Variants in MYCBP2 observed in about 807,000 individuals in gnomAD.
MYCBP2 encodes the protein E3 ubiquitin-protein ligase MYCBP2.
MYCBP2 carries 120 observed loss-of-function variants against 525.3 expected under a neutral mutation model. That is an observed-to-expected ratio of 0.23 (90% CI 0.20 to 0.27). The LOEUF (loss-of-function observed/expected upper bound fraction) is 0.27, where lower values mean the gene tolerates loss of function less well. Ranked by LOEUF, MYCBP2 falls within the 10% of genes least tolerant of loss-of-function variation. MYCBP2 has a pLI of 1.00. For missense variants in MYCBP2, 4,149 were observed against 5,657.1 expected (o/e 0.73, Z 8.55); for synonymous variants, 1,894 against 1,955.8 (o/e 0.97, Z 0.83).
intron 26 of MYCBP2, among the ~76,000 whole-genome samples, chr13:77,202,844 AC>A (rs1443572069): frequency 1.4e-4 from 21 of 152,260 alleles, no homozygotes; most frequent in African/African-American, 2.2e-4. Flanking sequence ...AAATTCAACA[AC>A]CCTTCATGCT....
chr13:77,090,331 T>C (rs1348249814), intron 59 of MYCBP2, 68 bp from the exon 60 acceptor site: 1 of 1,301,208 alleles, frequency 7.7e-7, no homozygotes, highest in Non-Finnish European at 1.0e-6. Flanking sequence ...ATACTTATAA[T>C]GATGCAAAAT....
chr13:77,202,558 T>C (rs2062754646), intron 26 of MYCBP2, among the ~76,000 whole-genome samples: 2 of 151,838 alleles, frequency 1.3e-5, no homozygotes, highest in South Asian at 4.2e-4. Context: ...GCCAGCATCA[T>C]CCTGATACCA....
chr13:77,073,231 G>A (rs934790630), intron 68 of MYCBP2, among the ~76,000 whole-genome samples: 2 of 151,524 alleles, frequency 1.3e-5, no homozygotes, highest in African/African-American at 4.9e-5. Flanking sequence ...AGCAATATAT[G>A]GATTATCTTA....
intron 2 of MYCBP2, among the ~76,000 whole-genome samples, chr13:77,295,593 T>C (rs1448724607): frequency 6.6e-6 from 1 of 152,252 alleles, no homozygotes; most frequent in Admixed American, 6.5e-5. Context: ...AGGAAACAAT[T>C]GCCTCTATAG....
chr13:77,301,843 A>G (rs564701363), intron 1 of MYCBP2, among the ~76,000 whole-genome samples: 5 of 152,346 alleles, frequency 3.3e-5, no homozygotes, highest in African/African-American at 9.6e-5. Context: ...GCAATTTTCA[A>G]CATAATTTAT....
intron 47 of MYCBP2, 136 bp from the exon 48 acceptor site, chr13:77,146,353 T>C (rs2154189328): frequency 2.4e-6 from 1 of 422,948 alleles, no homozygotes; most frequent in African/African-American, 2.0e-5. Context: ...AAAAATTACC[T>C]ACTTTAGACC....
chr13:77,225,245 TA>T (rs537514799), intron 19 of MYCBP2, among the ~76,000 whole-genome samples, 189 bp downstream of exon 19: 8 of 152,214 alleles, frequency 5.3e-5, no homozygotes, highest in Non-Finnish European at 1.2e-4. Context: ...TCTAGACAAG[TA>T]CCTGTTCCAT....
In MYCBP2 at chr13:77,181,875, T is replaced by C. The variant is rs779576183; in HGVS notation, c.4767A>G (p.Ala1589=). ...TGTGACACAGAGCTGACATAACAGC[T>C]GCAAGGAGTCGGCTACTTGATGTCT... is the stretch of plus-strand genomic sequence containing the variant. The part of the protein sequence containing the change: ...NFKTSSSRLL[A]AVMSALCHTS... Residue 1589 remains alanine (A), a synonymous_variant, in exon 33 of 83, where the codon GCA becomes GCG. Transcript: ENST00000544440. 51 of 1,613,908 alleles carry C rather than the reference T, an allele frequency of 3.2e-5. No individual in the cohort carries two copies. The highest frequency in any genetic ancestry group is 4.2e-5 in the Non-Finnish European group (50 of 1,180,028).
chr13:77,320,300 T>C (rs368225135), intron 1 of MYCBP2, among the ~76,000 whole-genome samples: 94 of 152,206 alleles, frequency 6.2e-4, no homozygotes, highest in South Asian at 4.1e-3. Context: ...AAGCGGGATC[T>C]GAAAGCCTAA....
intron 55 of MYCBP2, among the ~76,000 whole-genome samples, chr13:77,113,773 TG>T (rs1373329342): frequency 9.9e-5 from 15 of 152,104 alleles, no homozygotes; most frequent in African/African-American, 3.6e-4. Context: ...CTCAGCTCAG[TG>T]AAGATAAATT....
intron 36 of MYCBP2, among the ~76,000 whole-genome samples, chr13:77,176,011 C>A (rs1595145924): frequency 2.4e-5 from 3 of 123,542 alleles, no homozygotes; most frequent in African/African-American, 2.7e-5. Flanking sequence ...CAAAACAAAA[C>A]AAAAACACTT....
At chr13:77,312,211 C>T (rs2080337652) in intron 1 of MYCBP2, among the ~76,000 whole-genome samples, 1 of 151,998 alleles carries the variant, frequency 6.6e-6, no homozygotes, top group South Asian at 2.1e-4. Flanking sequence ...GAATGTATCC[C>T]CAGCAGACTG....
chr13:77,153,916 T>C (rs1284673819), intron 46 of MYCBP2, among the ~76,000 whole-genome samples: 2 of 152,208 alleles, frequency 1.3e-5, no homozygotes, highest in African/African-American at 4.8e-5. Context: ...TGTTTAGTTC[T>C]AACTCATTTT....
In MYCBP2 at chr13:77,326,476, G is replaced by C; in HGVS notation, c.300C>G (p.Ser100=). Residue 100 remains serine (S), a splice_region_variant and synonymous_variant, in exon 1 of 83, where the codon TCC becomes TCG. Transcript: ENST00000544440. The surrounding 1 kb of genome is among the most constrained non-coding windows in gnomAD (Gnocchi z 4.2). ...QGGGSAGHPA[S]RNKKILNKKK... ...GGAAGGGCACCCTGGGGACGCACCT[G>C]GAGGCTGGGTGTCCAGCGCTGCCGC... The C allele has an allele frequency of 6.4e-7, 1 of 1,571,338 alleles. No homozygotes were observed.
At chr13:77,052,849 C>T (rs992768212) in intron 80 of MYCBP2, among the ~76,000 whole-genome samples, 1 of 152,164 alleles carries the variant, frequency 6.6e-6, no homozygotes, top group Admixed American at 6.5e-5. Flanking sequence ...AAAAGGCCGG[C>T]TGGGCATGGT....
intron 43 of MYCBP2, among the ~76,000 whole-genome samples, chr13:77,162,743 A>C (rs1467005264): frequency 6.6e-6 from 1 of 151,892 alleles, no homozygotes; most frequent in Non-Finnish European, 1.5e-5. Context: ...TGCAACCTCC[A>C]CCTCATGGGT....
chr13:77,306,017 A>T (rs2079374193), intron 1 of MYCBP2, among the ~76,000 whole-genome samples: 2 of 152,320 alleles, frequency 1.3e-5, no homozygotes, highest in South Asian at 4.1e-4. Context: ...CACTTCTGTT[A>T]ACACAATATT....
intron 15 of MYCBP2, among the ~76,000 whole-genome samples, chr13:77,248,440 C>T (rs2070467100): frequency 6.6e-6 from 1 of 151,986 alleles, no homozygotes; most frequent in Admixed American, 6.6e-5. Context: ...AACTGACAAC[C>T]TGATTCAAAA....
Position 77,168,432 on chromosome 13 carries a change from T to C in MYCBP2, c.6110A>G (p.Tyr2037Cys). Reference sequence around the variant, plus strand: ...ACACTAAGAACCGGTGCCTACCTTGTAATGCATCACACAGGCAGGTTTATA... The same window carrying C: ...ACACTAAGAACCGGTGCCTACCTTGCAATGCATCACACAGGCAGGTTTATA... ...HPYKPACVMH[Y>C]KVTFPECVRW... Residue 2037 changes from tyrosine (Y) to cysteine (C), a missense_variant, in exon 40 of 83, where the codon TAC (tyrosine) becomes TGC (cysteine). Transcript: ENST00000544440. The C allele has an allele frequency of 6.2e-7, 1 of 1,613,704 alleles. No homozygotes were observed.
Sources: gnomAD v4.1 joint callset for allele counts (sites outside exome capture counted in the v4.1 genomes callset) on GRCh38, gnomAD v4.1.1 for gene constraint, Gnocchi (gnomAD v3.1) non-coding constraint, MANE v1.5 for transcripts, NCBI Gene and HGNC (gene_info 2026-07-23, HGNC 2026-07-21) for gene names.